Variants in IPPK observed in about 807,000 individuals in gnomAD.
IPPK encodes IPK1 homolog.
IPPK carries 22 observed loss-of-function variants against 64.6 expected under a neutral mutation model. The ratio of observed to expected loss-of-function variants is 0.34; its 90% CI spans 0.24 to 0.49. IPPK has a LOEUF of 0.49. Among genes scored for constraint, IPPK ranks in the 20% least tolerant of loss-of-function variants. The probability of loss-of-function intolerance (pLI) is 0.99; values close to 1 mark genes in which losing one functional copy is unlikely to be tolerated. For synonymous variants in IPPK, 262 were observed against 247.2 expected (o/e 1.06, Z -0.56); for missense variants, 532 against 630.7 (o/e 0.84, Z 1.68).
intron 4 of IPPK, among the ~76,000 whole-genome samples, chr9:92,650,771 C>A (rs1463230297): frequency 2.0e-5 from 3 of 152,146 alleles, no homozygotes; most frequent in Non-Finnish European, 4.4e-5. Context: ...AGCCCAGGAA[C>A]TTGAAGAGGA....
intron 12 of IPPK, chr9:92,619,006 G>A: frequency 4.1e-6 from 1 of 244,722 alleles, no homozygotes; most frequent in Admixed American, 5.1e-5. Flanking sequence ...AGGGAGAGGG[G>A]CGGCACATAG....
chr9:92,630,063 C>T (rs979271167), intron 11 of IPPK, among the ~76,000 whole-genome samples: 4 of 152,142 alleles, frequency 2.6e-5, no homozygotes, highest in African/African-American at 4.8e-5. Context: ...AAAGTGAAAA[C>T]GCACATCCAT....
chr9:92,619,993 T>C (rs1851575875), intron 11 of IPPK: 1 of 191,612 alleles, frequency 5.2e-6, no homozygotes, highest in Admixed American at 5.2e-5. Flanking sequence ...CAGCAAGGCA[T>C]CGCTTAGAAC....
chr9:92,619,180 G>A, intron 12 of IPPK: 1 of 314,224 alleles, frequency 3.2e-6, no homozygotes, highest in South Asian at 4.6e-5. Flanking sequence ...TTGAGGGAAT[G>A]CAATGGGCAG....
intron 11 of IPPK, among the ~76,000 whole-genome samples, chr9:92,626,767 C>T (rs963269825): frequency 6.6e-6 from 1 of 151,978 alleles, no homozygotes; most frequent in Non-Finnish European, 1.5e-5. Flanking sequence ...TCACATTGCA[C>T]TAAAATGTCA....
intron 11 of IPPK, among the ~76,000 whole-genome samples, chr9:92,633,072 G>A (rs928535311): frequency 2.0e-5 from 3 of 151,472 alleles, no homozygotes; most frequent in Admixed American, 6.6e-5. Context: ...ATGCAGTGGT[G>A]CAATCTTGGC....
In IPPK at chr9:92,635,203, A is replaced by G. The variant is rs1205520949; in HGVS notation, c.1022T>C (p.Leu341Pro). 1 of 1,614,048 alleles carries G rather than the reference A, an allele frequency of 6.2e-7. No individual in the cohort carries two copies. Among genetic ancestry groups the G allele is most frequent in the Non-Finnish European group, 8.5e-7 (1 of 1,179,958 alleles). The change falls in exon 10 of 13, where the codon CTG (leucine) becomes CCG (proline). Residue 341 changes from leucine (L) to proline (P), a missense_variant. By Grantham distance (98) the Leu-to-Pro change is moderately conservative (BLOSUM62 -3). Transcript: ENST00000287996. This position sits in a 1 kb window ranked among gnomAD's most constrained non-coding sequence, Gnocchi z 4.4. ...DLLDIEGLYPLYNRVERYLEE... is the reference protein window; with the variant it reads ...DLLDIEGLYPPYNRVERYLEE... ...CAGGTATCGCTCAACCCGGTTGTACAGAGGGTAGAGGCCTTCGATGTCCAG... is the reference window on the plus strand; with the variant it reads ...CAGGTATCGCTCAACCCGGTTGTACGGAGGGTAGAGGCCTTCGATGTCCAG...
At position 92,634,371 on chromosome 9, in the gene IPPK, G is replaced by A. The variant is rs761253233; in HGVS notation, c.1170+15C>T. The A allele has an allele frequency of 4.4e-6, 7 of 1,591,710 alleles. No homozygotes were observed. The highest frequency in any genetic ancestry group is 1.3e-5 in the African/African-American group (1 of 74,574). On this transcript the variant is annotated intron_variant, in intron 11 of 12. Transcript: ENST00000287996. ...CTAAGGATCACACAGCAAGTTTTTG[G>A]ATGGGTCTGCCCACCTTCGTTAGCG...
intron 11 of IPPK, among the ~76,000 whole-genome samples, chr9:92,628,940 T>C (rs1256608017): frequency 6.6e-6 from 1 of 151,996 alleles, no homozygotes; most frequent in Non-Finnish European, 1.5e-5. Flanking sequence ...AAGAATATTG[T>C]TGGAGCTGGG....
At chr9:92,616,212 G>T in intron 12 of IPPK, 155 bp from the exon 13 acceptor site, 1 of 598,262 alleles carries the variant, frequency 1.7e-6, no homozygotes, top group South Asian at 2.0e-5. Context: ...TAAAAGAGAA[G>T]TGAATGGCCT....
In IPPK at chr9:92,649,436, G is replaced by A. The variant is rs755318664; in HGVS notation, c.414+17C>T. The A allele has an allele frequency of 1.9e-6, 3 of 1,613,674 alleles. No individual in the cohort carries two copies. The highest frequency in any genetic ancestry group is 2.2e-5 in the East Asian group (1 of 44,868). On this transcript the variant is annotated intron_variant, in intron 5 of 12. Transcript: ENST00000287996. ...CCTTTCCCCTTTACCCACACCATCT[G>A]CCCCTCGACAGGTCACCTTAATCTC...
At chr9:92,642,703 A>G in intron 7 of IPPK, 49 bp downstream of exon 7, 1 of 1,466,506 alleles carries the variant, frequency 6.8e-7, no homozygotes, top group Non-Finnish European at 9.4e-7. Context: ...CGCCCTACCC[A>G]TCTCCAGGGA....
chr9:92,655,965 G>C (rs1190436463), intron 3 of IPPK, among the ~76,000 whole-genome samples: 2 of 152,116 alleles, frequency 1.3e-5, no homozygotes, highest in Non-Finnish European at 2.9e-5. Flanking sequence ...CATTCCCACA[G>C]ACCCCAGCAC....
intron 8 of IPPK, among the ~76,000 whole-genome samples, chr9:92,638,678 G>A (rs1461073150): frequency 2.6e-5 from 4 of 152,362 alleles, no homozygotes; most frequent in East Asian, 3.9e-4. Context: ...GCAGACAAAC[G>A]TGAGGATGGC....
At chr9:92,629,216 T>C (rs930991317) in intron 11 of IPPK, among the ~76,000 whole-genome samples, 8 of 152,196 alleles carry the variant, frequency 5.3e-5, no homozygotes, top group African/African-American at 1.9e-4. Flanking sequence ...ATGGGAAATC[T>C]TCATGACCTT....
chr9:92,618,561 T>C (rs1315986456), intron 12 of IPPK: 1 of 456,490 alleles, frequency 2.2e-6, no homozygotes. Context: ...TCTTCGTGGG[T>C]TTTCTCTCAT....
intron 12 of IPPK, 145 bp from the exon 13 acceptor site, chr9:92,616,202 T>C (rs1851427487): frequency 1.6e-6 from 1 of 625,316 alleles, no homozygotes; most frequent in Non-Finnish European, 2.8e-6. Context: ...CAATCTCTTT[T>C]AAAAGAGAAG....
intron 11 of IPPK, among the ~76,000 whole-genome samples, chr9:92,628,994 G>A (rs1009647368): frequency 6.6e-6 from 1 of 152,136 alleles, no homozygotes; most frequent in African/African-American, 2.4e-5. Flanking sequence ...GGGAGGTTGA[G>A]GCAGGATTAC....
At chr9:92,620,680 G>C (rs1851602346) in intron 11 of IPPK, 1 of 152,192 alleles carries the variant, frequency 6.6e-6, no homozygotes, top group Non-Finnish European at 1.5e-5. Flanking sequence ...CAAAGGGCAG[G>C]ACTGGATGGG....
Sources: allele counts gnomAD v4.1 joint callset (sites outside exome capture counted in the v4.1 genomes callset), GRCh38; gene constraint gnomAD v4.1.1; non-coding constraint Gnocchi (gnomAD v3.1); transcripts MANE v1.5; gene names NCBI Gene and HGNC (gene_info 2026-07-23, HGNC 2026-07-21).